CATSPERG: variants seen among roughly 807,000 people sequenced by gnomAD.
The protein encoded by CATSPERG is catsper channel auxiliary subunit gamma.
Under a neutral mutation model 145.0 loss-of-function variants are expected in CATSPERG, and 115 were observed. The observed-to-expected ratio is 0.79, with a 90% CI of 0.68 to 0.93. The LOEUF (loss-of-function observed/expected upper bound fraction) is 0.93. Among genes scored for constraint, CATSPERG ranks in the 40% least tolerant of loss-of-function variants. The pLI, the probability that CATSPERG is intolerant of heterozygous loss-of-function variation, is 0.00. For synonymous variants in CATSPERG, 588 were observed against 589.0 expected, an observed-to-expected ratio of 1.00 and a Z score of 0.02; for missense variants, 1,296 against 1,490.1, an observed-to-expected ratio of 0.87 and a Z score of 2.14.
rs1054946987 is a variant in CATSPERG at position 38,367,831 on chromosome 19, C to T, written c.2930+55C>T. 6 of 1,527,014 alleles carry T rather than the reference C, an allele frequency of 3.9e-6. No homozygotes were observed. The South Asian group carries it at 6.8e-5, about 17-fold the overall frequency. 94.6% of individuals were successfully genotyped at this position (1,527,014 alleles called of 1,614,324 possible). A position where few individuals can be genotyped will look rare whatever the true frequency, so the allele number is the denominator to read the frequency against. Reference sequence around the variant, plus strand: ...CACCTTGCTTCCCCTGGAGGCCTTTCCCACTTCCAAGCCAAGCCCACCTCG... The same window carrying T: ...CACCTTGCTTCCCCTGGAGGCCTTTTCCACTTCCAAGCCAAGCCCACCTCG... On this transcript the variant is annotated intron_variant, in intron 25 of 28. Transcript: ENST00000409235.
At chr19:38,367,378 C>T in intron 23 of CATSPERG, 66 bp downstream of exon 23, 3 of 1,570,414 alleles carry the variant, frequency 1.9e-6, no homozygotes, top group Non-Finnish European at 2.6e-6. Context: ...TTGTGCTCTC[C>T]CTCCCCATTC....
chr19:38,351,804 C>T (rs1209343236), intron 7 of CATSPERG, among the ~76,000 whole-genome samples: 3 of 151,776 alleles, frequency 2.0e-5, no homozygotes, highest in Non-Finnish European at 2.9e-5. Context: ...GCCAGCTACT[C>T]GGGAGACTGA....
chr19:38,359,385 G>GT, intron 13 of CATSPERG, 85 bp from the exon 14 acceptor site: 1 of 833,748 alleles, frequency 1.2e-6, no homozygotes, highest in Non-Finnish European at 2.1e-6. Flanking sequence ...TGGAGAAACA[G>GT]TAAGTGGCTC....
At chr19:38,357,883 C>T (rs1402523461) in intron 11 of CATSPERG, among the ~76,000 whole-genome samples, 1 of 151,806 alleles carries the variant, frequency 6.6e-6, no homozygotes, top group African/African-American at 2.4e-5. Context: ...ACCTGGGAGG[C>T]AGAGGTTGCA....
chr19:38,357,352 T>TAA (rs71165536), intron 11 of CATSPERG, among the ~76,000 whole-genome samples: 2 of 115,458 alleles, frequency 1.7e-5, no homozygotes, highest in African/African-American at 6.7e-5. Context: ...CTCTACAAAT[T>TAA]AAAAAAAAAA....
chr19:38,336,697 C>T (rs1969843110), intron 1 of CATSPERG: 1 of 239,640 alleles, frequency 4.2e-6, no homozygotes, highest in Non-Finnish European at 8.5e-6. Flanking sequence ...CGATCGCAGG[C>T]AGAAGCAGTA....
At chr19:38,359,972 G>C in intron 14 of CATSPERG, 1 of 1,044,592 alleles carries the variant, frequency 9.6e-7, no homozygotes, top group Non-Finnish European at 1.2e-6. Context: ...GCATGTCAGG[G>C]AGGGCTTCAT....
In CATSPERG at chr19:38,362,718, C is replaced by A. The variant is rs767613542; in HGVS notation, c.2361C>A (p.Thr787=). 2.5e-6 allele frequency: 4 copies of A among 1,613,938 alleles called. No individual in the cohort carries two copies. The highest frequency in any genetic ancestry group is 2.2e-5 in the East Asian group (1 of 44,876). The stretch of plus-strand genomic sequence containing the variant: ...CCCGTTTACTGCCCGGAGCAGGCAC[C>A]GCCTTCCAGCTGCATAGCCAGGTGG... ...HSFRTQSELG[T]AFQLHSQVDV... Residue 787 remains threonine, a synonymous_variant, in exon 20 of 29, where the codon ACC becomes ACA. Coordinates refer to ENST00000409235, the MANE Select transcript of CATSPERG (RefSeq NM_021185.5).
intron 1 of CATSPERG, 24 bp downstream of exon 1, chr19:38,335,899 C>T (rs952609422): frequency 9.1e-6 from 2 of 219,516 alleles, no homozygotes; most frequent in South Asian, 3.6e-5. Flanking sequence ...GGGGAAAAAG[C>T]TGTGCCATCC....
rs111344555 is a variant in CATSPERG, at chr19:38,338,200, T to G, written c.324+554T>G. Among the ~76,000 whole-genome samples the G allele has an allele frequency of 7.8e-3, 1,153 of 148,688 alleles. 16 individuals carry two copies. Among genetic ancestry groups the G allele is most frequent in the East Asian group, 0.051 (248 of 4,886 alleles). On this transcript the variant is annotated intron_variant, in intron 3 of 28. Transcript: ENST00000409235. ...GGAGTCTCGCTCCGCCCAGGCTGGA[T>G]TGCAGTGGCGCGATCTCGGCTCACT...
intron 7 of CATSPERG, among the ~76,000 whole-genome samples, chr19:38,348,606 T>C (rs1970082894): frequency 6.6e-6 from 1 of 151,674 alleles, no homozygotes; most frequent in African/African-American, 2.4e-5. Flanking sequence ...CCCAAGTAGC[T>C]AGGATTACAG....
At chr19:38,360,136 T>C (rs1217662164) in intron 14 of CATSPERG, 9 of 985,070 alleles carry the variant, frequency 9.1e-6, no homozygotes, top group Non-Finnish European at 9.6e-6. Context: ...GGTGAGACCC[T>C]GGAAGCTGCA....
intron 7 of CATSPERG, among the ~76,000 whole-genome samples, chr19:38,347,492 T>C (rs1411144978): frequency 2.0e-5 from 3 of 152,250 alleles, no homozygotes; most frequent in Non-Finnish European, 2.9e-5. Context: ...GCCCAAGGGT[T>C]TCCTATTAGG....
rs1166594992 is a variant in CATSPERG, at chr19:38,364,966, G to A, written c.2551G>A (p.Val851Ile). 3.1e-6 allele frequency: 5 copies of A among 1,613,936 alleles called. No homozygotes were observed. In the South Asian group the frequency reaches 5.5e-5, roughly 18 times the overall value. The change falls in exon 21 of 29, where the codon GTC becomes ATC. Residue 851 changes from valine (V) to isoleucine (I), a missense_variant. Physicochemically the swap from Val to Ile is conservative, Grantham distance 29. Coordinates refer to ENST00000409235, the MANE Select transcript of CATSPERG (RefSeq NM_021185.5). ...TCACCTTATGGAGACTTCCATGACG[G>A]TCAATGTGAGGTCCAAGCCTGGAGG... ...GHHLMETSMTVNVVGSSGLCF... is the reference protein window; with the variant it reads ...GHHLMETSMTINVVGSSGLCF...
chr19:38,366,701 CTT>C (rs1215972834), intron 22 of CATSPERG: 73 of 136,252 alleles, frequency 5.4e-4, no homozygotes, highest in South Asian at 1.8e-3. Flanking sequence ...GGCTCTCGGT[CTT>C]TTTTTTTTTT....
At chr19:38,344,171 C>A in intron 5 of CATSPERG, 52 bp downstream of exon 5, 1 of 1,549,438 alleles carries the variant, frequency 6.5e-7, no homozygotes, top group Non-Finnish European at 8.7e-7. Context: ...AATTCCTCAC[C>A]CCAGGGTCCC....
intron 19 of CATSPERG, 60 bp downstream of exon 19, chr19:38,362,634 G>A: frequency 6.2e-7 from 1 of 1,606,904 alleles, no homozygotes; most frequent in Non-Finnish European, 8.5e-7. Flanking sequence ...GAATCTGGGA[G>A]CCTGGGGGGC....
intron 9 of CATSPERG, among the ~76,000 whole-genome samples, chr19:38,355,110 T>C (rs1274952182): frequency 1.3e-5 from 2 of 151,896 alleles, no homozygotes; most frequent in African/African-American, 4.8e-5. Context: ...TTTGGGAGGC[T>C]GAGGCAGGCG....
chr19:38,356,722 A>G lies in CATSPERG; in HGVS notation c.1196-20A>G. ...CTATTGAGCCCTGGGGCGGCTCTGG[A>G]CTGCCCCTTTCCCTCTCAGTTACCA... is the stretch of plus-strand genomic sequence containing the variant. On this transcript the variant is annotated intron_variant, in intron 10 of 28. Transcript: ENST00000409235. The G allele has an allele frequency of 1.2e-6, 2 of 1,613,602 alleles. No individual in the cohort carries two copies. Among genetic ancestry groups the G allele is most frequent in the Non-Finnish European group, 1.7e-6 (2 of 1,179,760 alleles).
Sources: allele counts gnomAD v4.1 joint callset (sites outside exome capture counted in the v4.1 genomes callset), GRCh38; gene constraint gnomAD v4.1.1; transcripts MANE v1.5; gene names NCBI Gene and HGNC (gene_info 2026-07-23, HGNC 2026-07-21).